PTBP2: variants seen among roughly 807,000 people sequenced by gnomAD.
The protein encoded by PTBP2 is polypyrimidine tract binding protein 2, also known as polypyrimidine tract-binding protein 2.
Under a neutral mutation model 61.4 loss-of-function variants are expected in PTBP2, and 13 were observed. The ratio of observed to expected loss-of-function variants is 0.21; its 90% CI spans 0.14 to 0.34. The LOEUF is 0.34. Among genes scored for constraint, PTBP2 ranks in the 10% least tolerant of loss-of-function variants. The probability of loss-of-function intolerance (pLI) is 1.00; values close to 1 mark genes in which losing one functional copy is unlikely to be tolerated. For missense variants in PTBP2, 405 were observed against 642.6 expected (o/e 0.63, Z 4.00); for synonymous variants, 215 against 218.5 (o/e 0.98, Z 0.14).
intron 1 of PTBP2, among the ~76,000 whole-genome samples, chr1:96,722,148 G>T (rs1380184284): frequency 6.6e-6 from 1 of 152,118 alleles, no homozygotes; most frequent in Non-Finnish European, 1.5e-5. Context: ...GCTTGGCGGC[G>T]GGGGATGGGG....
intron 3 of PTBP2, among the ~76,000 whole-genome samples, chr1:96,761,612 T>C (rs1306071525): frequency 6.6e-6 from 1 of 151,916 alleles, no homozygotes; most frequent in African/African-American, 2.4e-5. Flanking sequence ...TATTAAAGAG[T>C]TTTGTCTTAG....
intron 7 of PTBP2, among the ~76,000 whole-genome samples, chr1:96,779,446 C>G (rs1306764571): frequency 6.6e-6 from 1 of 152,006 alleles, no homozygotes; most frequent in Non-Finnish European, 1.5e-5. Context: ...AGCTATAATT[C>G]TTAAGGGGAA....
intron 8 of PTBP2, among the ~76,000 whole-genome samples, chr1:96,796,418 A>G (rs1432874529): frequency 6.6e-6 from 1 of 152,186 alleles, no homozygotes; most frequent in Non-Finnish European, 1.5e-5. Flanking sequence ...AGAACAGATG[A>G]AAGAAGTGAG....
chr1:96,799,372 T>C (rs1289509455), intron 8 of PTBP2, among the ~76,000 whole-genome samples: 2 of 142,834 alleles, frequency 1.4e-5, no homozygotes, highest in East Asian at 4.4e-4. Flanking sequence ...CTCGGCTCAC[T>C]GCAAACTCGG....
chr1:96,787,689 A>G (rs1659363124), intron 8 of PTBP2, among the ~76,000 whole-genome samples: 1 of 152,198 alleles, frequency 6.6e-6, no homozygotes, highest in Non-Finnish European at 1.5e-5. Context: ...ATGTAAATAC[A>G]TGTTTCTGTA....
intron 2 of PTBP2, among the ~76,000 whole-genome samples, chr1:96,727,601 G>T (rs1251584978): frequency 1.3e-5 from 2 of 152,244 alleles, no homozygotes; most frequent in African/African-American, 4.8e-5. Context: ...TGTATATGAA[G>T]TGATATTTCA....
intron 8 of PTBP2, among the ~76,000 whole-genome samples, chr1:96,791,840 T>TTTTTTG (rs1659865221): frequency 2.9e-5 from 4 of 139,670 alleles, no homozygotes; most frequent in South Asian, 2.4e-4. Context: ...TTTTTTTTTT[T>TTTTTTG]TTTTTTTTTG....
intron 3 of PTBP2, among the ~76,000 whole-genome samples, chr1:96,765,708 TTAGATAGATAGATAGATAGA>T (rs34315705): frequency 3.4e-5 from 5 of 147,278 alleles, no homozygotes; most frequent in African/African-American, 1.3e-4. Context: ...AGACTCTGTC[TTAGATAGATAGATAGATAGA>T]TAGATAGATA....
chr1:96,741,936 G>A (rs1653088936), intron 2 of PTBP2, among the ~76,000 whole-genome samples: 2 of 152,130 alleles, frequency 1.3e-5, no homozygotes, highest in South Asian at 4.1e-4. Context: ...GCTATGTCTT[G>A]TAGCAGTACA....
intron 8 of PTBP2, among the ~76,000 whole-genome samples, chr1:96,794,907 G>C (rs567981890): frequency 1.0e-3 from 152 of 152,224 alleles, no homozygotes; most frequent in African/African-American, 3.4e-3. Context: ...AATATGAAAG[G>C]CTATGATGCC....
At chr1:96,745,099 C>A (rs538278820) in intron 2 of PTBP2, among the ~76,000 whole-genome samples, 1 of 151,784 alleles carries the variant, frequency 6.6e-6, no homozygotes, top group South Asian at 2.1e-4. Context: ...AAATGAACAT[C>A]ATGAACCTGT....
At chr1:96,753,091 G>C (rs912231973) in intron 3 of PTBP2, among the ~76,000 whole-genome samples, 2 of 152,146 alleles carry the variant, frequency 1.3e-5, no homozygotes, top group African/African-American at 4.8e-5. Flanking sequence ...GAATAGAGCA[G>C]GGGGCAGAAT....
At chr1:96,722,691 G>A (rs1260579036) in intron 1 of PTBP2, among the ~76,000 whole-genome samples, 2 of 152,196 alleles carry the variant, frequency 1.3e-5, no homozygotes, top group African/African-American at 4.8e-5. Flanking sequence ...AGTCAACAAA[G>A]GGCTATCTCT....
chr1:96,769,914 A>T (rs762761950), intron 4 of PTBP2, 39 bp downstream of exon 4: 1 of 1,473,638 alleles, frequency 6.8e-7, no homozygotes, highest in African/African-American at 1.4e-5. Context: ...TTAAACCCCA[A>T]ACTATCCAGC....
chr1:96,736,050 A>AT (rs1391952870), intron 2 of PTBP2, among the ~76,000 whole-genome samples: 13 of 152,216 alleles, frequency 8.5e-5, no homozygotes, highest in African/African-American at 3.1e-4. Context: ...TAGTGGAATA[A>AT]TATTTTCAAT....
intron 2 of PTBP2, among the ~76,000 whole-genome samples, chr1:96,727,994 A>G (rs1650825937): frequency 6.6e-6 from 1 of 151,934 alleles, no homozygotes; most frequent in Non-Finnish European, 1.5e-5. Flanking sequence ...AATAATAATA[A>G]TAATTTTTTT....
At chr1:96,779,146 T>G (rs1658372285) in intron 7 of PTBP2, among the ~76,000 whole-genome samples, 1 of 152,136 alleles carries the variant, frequency 6.6e-6, no homozygotes, top group African/African-American at 2.4e-5. Context: ...CTTACTGTGC[T>G]TTCCGCTTCA....
intron 2 of PTBP2, among the ~76,000 whole-genome samples, chr1:96,745,677 T>G (rs781456896): frequency 9.9e-5 from 15 of 152,158 alleles, no homozygotes; most frequent in Non-Finnish European, 1.9e-4. Context: ...TTTTGGATAG[T>G]TTTATAATAC....
At chr1:96,764,523 A>G (rs1390207928) in intron 3 of PTBP2, among the ~76,000 whole-genome samples, 1 of 152,174 alleles carries the variant, frequency 6.6e-6, no homozygotes, top group Non-Finnish European at 1.5e-5. Flanking sequence ...TAATAGCAGG[A>G]TTTTCTGAAA....
Sources: allele counts gnomAD v4.1 joint callset (sites outside exome capture counted in the v4.1 genomes callset), GRCh38; gene constraint gnomAD v4.1.1; transcripts MANE v1.5; gene names NCBI Gene and HGNC (gene_info 2026-07-23, HGNC 2026-07-21).